MSI2: variants seen among roughly 807,000 people sequenced by gnomAD.
The protein encoded by MSI2 is musashi RNA binding protein 2, also known as RNA-binding protein Musashi homolog 2.
A neutral mutation model predicts 45.6 loss-of-function variants in MSI2; 17 were observed. That is an observed-to-expected ratio of 0.37 (90% CI 0.26 to 0.56). The LOEUF (loss-of-function observed/expected upper bound fraction) is 0.56, where lower values mean the gene tolerates loss of function less well. Ranked by LOEUF, MSI2 falls within the 20% of genes least tolerant of loss-of-function variation. The pLI is 0.77. For synonymous variants in MSI2, 156 were observed against 158.2 expected, an observed-to-expected ratio of 0.99 and a Z score of 0.11; for missense variants, 293 against 444.2, an observed-to-expected ratio of 0.66 and a Z score of 3.06.
chr17:57,466,582 C>A (rs2085335118), intron 6 of MSI2, among the ~76,000 whole-genome samples: 2 of 151,844 alleles, frequency 1.3e-5, no homozygotes, highest in African/African-American at 2.4e-5. Flanking sequence ...AAAATATAAT[C>A]AAAAAGCTGG....
chr17:57,473,798 C>T (rs2085486126), intron 6 of MSI2, among the ~76,000 whole-genome samples: 1 of 152,138 alleles, frequency 6.6e-6, no homozygotes, highest in Non-Finnish European at 1.5e-5. Flanking sequence ...GCTCCCTGAC[C>T]CTCTGCAAGC....
intron 6 of MSI2, among the ~76,000 whole-genome samples, chr17:57,472,779 C>T (rs146987515): frequency 1.4e-4 from 21 of 152,290 alleles, no homozygotes; most frequent in African/African-American, 4.1e-4. Flanking sequence ...TTATTTGTCC[C>T]GTCACACGGA....
chr17:57,336,456 G>A (rs1031564089), intron 5 of MSI2, among the ~76,000 whole-genome samples: 40 of 151,944 alleles, frequency 2.6e-4, no homozygotes, highest in African/African-American at 9.4e-4. Flanking sequence ...TTCTTTTTTC[G>A]GGGTAATACA....
intron 8 of MSI2, chr17:57,600,731 TC>T (rs1382241712): frequency 6.6e-6 from 1 of 152,176 alleles, no homozygotes; most frequent in Non-Finnish European, 1.5e-5. Flanking sequence ...GGAGGTTATC[TC>T]CAGGCAGGAG....
At chr17:57,461,948 C>T (rs994936944) in intron 6 of MSI2, among the ~76,000 whole-genome samples, 1 of 152,156 alleles carries the variant, frequency 6.6e-6, no homozygotes, top group African/African-American at 2.4e-5. Context: ...CTAGGGCTGC[C>T]ATAACAAAGT....
At chr17:57,318,097 T>C (rs1242558654) in intron 5 of MSI2, among the ~76,000 whole-genome samples, 5 of 152,052 alleles carry the variant, frequency 3.3e-5, no homozygotes, top group Admixed American at 2.0e-4. Context: ...TACAGTGAGC[T>C]GAGATTGCAC....
chr17:57,588,810 G>A (rs1298111455), intron 7 of MSI2, among the ~76,000 whole-genome samples: 5 of 152,212 alleles, frequency 3.3e-5, no homozygotes, highest in Non-Finnish European at 7.3e-5. Context: ...GTTGGACAAG[G>A]TAGGAATTGA....
intron 5 of MSI2, among the ~76,000 whole-genome samples, chr17:57,330,576 G>T (rs1292804188): frequency 6.6e-6 from 1 of 152,106 alleles, no homozygotes; most frequent in African/African-American, 2.4e-5. Flanking sequence ...ACTGTGTCCG[G>T]CCTCCTTTAA....
At chr17:57,389,321 C>T (rs537371640) in intron 5 of MSI2, among the ~76,000 whole-genome samples, 45 of 152,274 alleles carry the variant, frequency 3.0e-4, no homozygotes, top group African/African-American at 8.7e-4. Flanking sequence ...GTCACTCTCC[C>T]GTTTAAACCC....
intron 6 of MSI2, among the ~76,000 whole-genome samples, chr17:57,461,365 G>A (rs2085224490): frequency 6.6e-6 from 1 of 152,126 alleles, no homozygotes; most frequent in African/African-American, 2.4e-5. Context: ...AATAAGTACA[G>A]AAAAACAGAG....
At chr17:57,283,366 G>A (rs1303010923) in intron 5 of MSI2, among the ~76,000 whole-genome samples, 2 of 152,082 alleles carry the variant, frequency 1.3e-5, no homozygotes, top group Non-Finnish European at 2.9e-5. Context: ...AAGTCCCTTT[G>A]TATCGCTGAC....
chr17:57,256,999 G>T, intron 1 of MSI2, 99 bp from the exon 2 acceptor site: 1 of 1,548,818 alleles, frequency 6.5e-7, no homozygotes, highest in Non-Finnish European at 8.7e-7. Context: ...GCTCTCGCTC[G>T]CTCGCTCCCC....
At chr17:57,530,303 T>C (rs2086795330) in intron 7 of MSI2, among the ~76,000 whole-genome samples, 2 of 152,238 alleles carry the variant, frequency 1.3e-5, no homozygotes. Context: ...ACCTGGAGTC[T>C]ATGAACCTCT....
In MSI2 at chr17:57,289,424, C is replaced by A. The variant is rs992526727; in HGVS notation, c.312+27232C>A. ...TCATCCCTGGCACACACAAATTTGT[C>A]ACTCAGAGGGACTGGCTTTTCTGCA... is the stretch of plus-strand genomic sequence containing the variant. On this transcript the variant is annotated intron_variant, in intron 5 of 13. Coordinates refer to ENST00000284073, the MANE Select transcript of MSI2 (RefSeq NM_138962.4). Among the ~76,000 whole-genome samples the A allele has an allele frequency of 2.0e-5, 3 of 152,022 alleles. No individual in the cohort carries two copies. In the East Asian group the frequency reaches 5.8e-4, roughly 29 times the overall value.
intron 6 of MSI2, among the ~76,000 whole-genome samples, chr17:57,426,538 C>G (rs369362684): frequency 6.6e-6 from 1 of 152,234 alleles, no homozygotes; most frequent in South Asian, 2.1e-4. Flanking sequence ...TGAGAGTCAA[C>G]TTTTCCCCAA....
intron 7 of MSI2, among the ~76,000 whole-genome samples, chr17:57,585,871 G>A (rs1598424967): frequency 6.6e-6 from 1 of 152,240 alleles, no homozygotes; most frequent in African/African-American, 2.4e-5. Context: ...GCACGTCCTC[G>A]TGCCCTTGCT....
chr17:57,402,222 C>G (rs1038566081), intron 6 of MSI2, among the ~76,000 whole-genome samples: 5 of 152,216 alleles, frequency 3.3e-5, no homozygotes, highest in African/African-American at 1.2e-4. Flanking sequence ...GAGGATGACA[C>G]ATTCCTCAGA....
At chr17:57,493,298 C>T (rs1165367897) in intron 6 of MSI2, among the ~76,000 whole-genome samples, 4 of 152,104 alleles carry the variant, frequency 2.6e-5, no homozygotes, top group African/African-American at 9.7e-5. Flanking sequence ...GGAGCGATTG[C>T]TGTTACACTG....
intron 6 of MSI2, chr17:57,444,585 GA>G (rs370342154): frequency 0.013 from 1,737 of 137,288 alleles, 33 homozygotes; most frequent in African/African-American, 0.04. Context: ...CGTCTCAAAA[GA>G]AAAAAAAAAA....
Sources: gnomAD v4.1 joint callset for allele counts (sites outside exome capture counted in the v4.1 genomes callset) on GRCh38, gnomAD v4.1.1 for gene constraint, MANE v1.5 for transcripts, NCBI Gene and HGNC (gene_info 2026-07-23, HGNC 2026-07-21) for gene names.